CDH20: variants seen among roughly 807,000 people sequenced by gnomAD.
The protein encoded by CDH20 is cadherin-20.
Under a neutral mutation model 74.2 loss-of-function variants are expected in CDH20, and 29 were observed. The observed-to-expected ratio is 0.39, with a 90% confidence interval of 0.29 to 0.53. The LOEUF (loss-of-function observed/expected upper bound fraction) is 0.53, where lower values mean the gene tolerates loss of function less well. CDH20 is among the 20% of genes least tolerant of loss of function. CDH20 has a pLI of 0.69. For missense variants in CDH20, 988 were observed against 1,048.3 expected, an observed-to-expected ratio of 0.94 and a Z score of 0.79; for synonymous variants, 469 against 405.4, an observed-to-expected ratio of 1.16 and a Z score of -1.88.
At chr18:61,507,294 C>A in intron 5 of CDH20, 79 bp from the exon 6 acceptor site, 2 of 1,297,560 alleles carry the variant, frequency 1.5e-6, no homozygotes, top group Non-Finnish European at 2.2e-6. Flanking sequence ...TTTTGCACAG[C>A]ACTCCTGATA....
At position 61,348,107 on chromosome 18, in the gene CDH20, G is replaced by T. The variant is rs567427823; in HGVS notation, c.-153+14280G>T. ...TGGTTATAATTGATTTCATTTTTTT[G>T]GGGGGGTGGTCCACTGGAACATTTT... On this transcript the variant is annotated intron_variant, in intron 1 of 11. Transcript: ENST00000262717. Among the ~76,000 whole-genome samples the T allele has an allele frequency of 9.9e-5, 15 of 151,956 alleles. No individual in the cohort carries two copies. The South Asian group carries it at 1.2e-3, about 13-fold the overall frequency.
chr18:61,375,775 ATT>A (rs371455682), intron 1 of CDH20, among the ~76,000 whole-genome samples: 2,105 of 151,924 alleles, frequency 0.014, 50 homozygotes, highest in African/African-American at 0.048. Context: ...CTGCCCTTAA[ATT>A]TTTTTTCTCA....
At chr18:61,456,134 C>G (rs1909564097) in intron 1 of CDH20, among the ~76,000 whole-genome samples, 1 of 152,202 alleles carries the variant, frequency 6.6e-6, no homozygotes, top group African/African-American at 2.4e-5. Context: ...AATCCTCTAG[C>G]CTATGGTTTG....
chr18:61,486,297 G>C, intron 1 of CDH20, among the ~76,000 whole-genome samples: 1 of 152,186 alleles, frequency 6.6e-6, no homozygotes. Flanking sequence ...ATCCAGAAAT[G>C]TTGAAAGTTT....
intron 2 of CDH20, among the ~76,000 whole-genome samples, chr18:61,498,483 T>C (rs1599127558): frequency 6.6e-6 from 1 of 151,246 alleles, no homozygotes; most frequent in East Asian, 2.0e-4. Context: ...AACTCAACCA[T>C]CCACATATAG....
chr18:61,470,882 TCTCC>T (rs368274731), intron 1 of CDH20, among the ~76,000 whole-genome samples: 2 of 151,956 alleles, frequency 1.3e-5, no homozygotes, highest in African/African-American at 4.8e-5. Flanking sequence ...CTCCTCTTTC[TCTCC>T]CTCCCTCCCT....
At chr18:61,479,455 C>T (rs2088341973) in intron 1 of CDH20, among the ~76,000 whole-genome samples, 1 of 152,122 alleles carries the variant, frequency 6.6e-6, no homozygotes, top group Non-Finnish European at 1.5e-5. Flanking sequence ...TATTCCCATC[C>T]ACTCTCCCCT....
chr18:61,510,429 G>T (rs983237427), intron 6 of CDH20, among the ~76,000 whole-genome samples: 1 of 152,188 alleles, frequency 6.6e-6, no homozygotes, highest in East Asian at 1.9e-4. Context: ...CAGACTTTAG[G>T]AACATGGAAG....
chr18:61,477,910 GT>G (rs1354025421), intron 1 of CDH20, among the ~76,000 whole-genome samples: 9 of 152,024 alleles, frequency 5.9e-5, no homozygotes, highest in Admixed American at 4.6e-4. Flanking sequence ...AAAGTAAAAT[GT>G]TTTTTGAGGC....
rs1403845213 is a variant in CDH20, at chr18:61,507,366, T to A, written c.830-7T>A. 1 of 1,609,294 alleles carries A rather than the reference T, an allele frequency of 6.2e-7. No homozygotes were observed. The highest frequency in any genetic ancestry group is 8.5e-7 in the Non-Finnish European group (1 of 1,178,334). On this transcript the variant is annotated splice_region_variant and splice_polypyrimidine_tract_variant and intron_variant, in intron 5 of 11. Transcript: ENST00000262717. ...TCAAGAATGCGTGTCCTGGCTTTTC[T>A]TCGTAGAACATTACCAGATGAGTGT...
At chr18:61,393,795 C>T (rs1398292849) in intron 1 of CDH20, among the ~76,000 whole-genome samples, 1 of 152,128 alleles carries the variant, frequency 6.6e-6, no homozygotes, top group African/African-American at 2.4e-5. Context: ...TAATACATCT[C>T]AAAGATGTTT....
At chr18:61,510,600 A>C (rs1428224762) in intron 6 of CDH20, among the ~76,000 whole-genome samples, 2 of 152,242 alleles carry the variant, frequency 1.3e-5, no homozygotes, top group African/African-American at 4.8e-5. Flanking sequence ...TATTTATTTA[A>C]GATGCAATCA....
intron 7 of CDH20, among the ~76,000 whole-genome samples, chr18:61,536,013 C>A (rs1170043965): frequency 6.6e-6 from 1 of 152,112 alleles, no homozygotes. Context: ...AAGAAAGGGC[C>A]TGGTACAAGG....
At chr18:61,447,019 G>T (rs75387127) in intron 1 of CDH20, among the ~76,000 whole-genome samples, 4,108 of 152,258 alleles carry the variant, frequency 0.027, 196 homozygotes, top group East Asian at 0.21. Context: ...CCCAACCACT[G>T]GGATTGTGAT....
At chr18:61,501,587 A>G (rs1322093353) in intron 4 of CDH20, among the ~76,000 whole-genome samples, 1 of 152,224 alleles carries the variant, frequency 6.6e-6, no homozygotes, top group Non-Finnish European at 1.5e-5. Flanking sequence ...TATTTGAAAA[A>G]GAAAAAATAC....
chr18:61,451,738 GAGTCAAAGAAAAAAAAAAATCA>G (rs1909394099), intron 1 of CDH20, among the ~76,000 whole-genome samples: 3 of 141,474 alleles, frequency 2.1e-5, no homozygotes, highest in Admixed American at 1.4e-4. Flanking sequence ...GTTGACTACA[GAGTCAAAGAAAAAAAAAAATCA>G]AGAGAAGCAT....
At chr18:61,483,760 C>A (rs1356441070) in intron 1 of CDH20, among the ~76,000 whole-genome samples, 2 of 152,090 alleles carry the variant, frequency 1.3e-5, no homozygotes, top group Non-Finnish European at 2.9e-5. Context: ...TTCATATATA[C>A]TTTTTTCTCA....
chr18:61,487,636 A>C (rs961365174), intron 1 of CDH20, among the ~76,000 whole-genome samples: 16 of 152,302 alleles, frequency 1.1e-4, no homozygotes, highest in Admixed American at 2.0e-4. Context: ...GTACGTGTTC[A>C]GTGGAGGGGA....
rs1487707923 is a variant in CDH20, at chr18:61,540,065, G to A, written c.1530+920G>A. On this transcript the variant is annotated intron_variant, in intron 9 of 11. Coordinates refer to ENST00000262717, the MANE Select transcript of CDH20 (RefSeq NM_031891.4). Reference sequence around the variant, plus strand: ...GTGCCCATGTAGCAATGCATGTCAGGCTGTTGCCTGCCCTATAATCTGTCC... The same window carrying A: ...GTGCCCATGTAGCAATGCATGTCAGACTGTTGCCTGCCCTATAATCTGTCC... Among the ~76,000 whole-genome samples the A allele has an allele frequency of 7.2e-5, 11 of 152,208 alleles. No homozygotes were observed. In the East Asian group the frequency reaches 2.1e-3, roughly 29 times the overall value.
Sources: gnomAD v4.1 joint callset for allele counts (sites outside exome capture counted in the v4.1 genomes callset) on GRCh38, gnomAD v4.1.1 for gene constraint, MANE v1.5 for transcripts, NCBI Gene and HGNC (gene_info 2026-07-23, HGNC 2026-07-21) for gene names.